Variants in SEMA5A observed in about 807,000 individuals in gnomAD.
SEMA5A encodes the protein semaphorin 5A.
In SEMA5A, 55 loss-of-function variants were observed where a neutral mutation model predicts 135.5. The observed-to-expected ratio is 0.41, with a 90% CI of 0.33 to 0.51. The LOEUF is 0.51. SEMA5A is among the 20% of genes least tolerant of loss of function. The pLI is 0.37. For synonymous variants in SEMA5A, 580 were observed against 546.5 expected (o/e 1.06, Z -0.85); for missense variants, 1,290 against 1,419.9 (o/e 0.91, Z 1.47).
At chr5:9,482,422 G>A (rs1281413763) in intron 1 of SEMA5A, among the ~76,000 whole-genome samples, 1 of 152,142 alleles carries the variant, frequency 6.6e-6, no homozygotes, top group African/African-American at 2.4e-5. Flanking sequence ...AAAAACACAA[G>A]ACATTACCTA....
intron 13 of SEMA5A, among the ~76,000 whole-genome samples, chr5:9,134,485 T>G (rs553268686): frequency 3.3e-5 from 5 of 152,144 alleles, no homozygotes; most frequent in Non-Finnish European, 5.9e-5. Context: ...ATACAATACA[T>G]ACATTCATTA....
chr5:9,543,687 T>C (rs1359833747), intron 1 of SEMA5A, among the ~76,000 whole-genome samples: 1 of 152,148 alleles, frequency 6.6e-6, no homozygotes, highest in Admixed American at 6.5e-5. Flanking sequence ...CACACTTCAA[T>C]GAGTATACAG....
chr5:9,214,919 A>G (rs1746531333), intron 8 of SEMA5A, among the ~76,000 whole-genome samples: 1 of 152,226 alleles, frequency 6.6e-6, no homozygotes. Flanking sequence ...TCAATAATGA[A>G]TCTTGACTTG....
At chr5:9,310,471 A>T (rs918318150) in intron 5 of SEMA5A, among the ~76,000 whole-genome samples, 3 of 152,142 alleles carry the variant, frequency 2.0e-5, no homozygotes, top group African/African-American at 7.2e-5. Flanking sequence ...AAATGAGCTC[A>T]GAATCATGAT....
intron 4 of SEMA5A, among the ~76,000 whole-genome samples, chr5:9,327,480 A>T (rs1449501864): frequency 6.6e-6 from 1 of 152,204 alleles, no homozygotes; most frequent in East Asian, 1.9e-4. Context: ...AATTTCAAAG[A>T]ACACACTAAA....
intron 5 of SEMA5A, among the ~76,000 whole-genome samples, chr5:9,308,442 G>A (rs928335309): frequency 4.6e-5 from 7 of 152,130 alleles, no homozygotes; most frequent in Admixed American, 3.3e-4. Context: ...GGATCGGGTT[G>A]AGGCTATACT....
At chr5:9,517,415 G>A (rs1736590347) in intron 1 of SEMA5A, 1 of 152,148 alleles carries the variant, frequency 6.6e-6, no homozygotes, top group Non-Finnish European at 1.5e-5. Context: ...AGTATTATCT[G>A]GAAACAGAAA....
At chr5:9,356,872 T>C (rs1249408135) in intron 3 of SEMA5A, among the ~76,000 whole-genome samples, 1 of 152,212 alleles carries the variant, frequency 6.6e-6, no homozygotes, top group African/African-American at 2.4e-5. Context: ...ACCGTGTTGC[T>C]AGCTTTGTCT....
At chr5:9,208,448 A>G (rs1035503377) in intron 8 of SEMA5A, among the ~76,000 whole-genome samples, 3 of 152,176 alleles carry the variant, frequency 2.0e-5, no homozygotes, top group African/African-American at 7.2e-5. Context: ...CCTCAAGAGC[A>G]GTGTGAGGAG....
chr5:9,366,029 A>T (rs1342407716), intron 3 of SEMA5A, among the ~76,000 whole-genome samples: 1 of 149,514 alleles, frequency 6.7e-6, no homozygotes, highest in African/African-American at 2.6e-5. Context: ...CCACAATTAG[A>T]CTAACTATCT....
At chr5:9,133,203 T>A (rs1741534511) in intron 13 of SEMA5A, among the ~76,000 whole-genome samples, 1 of 152,222 alleles carries the variant, frequency 6.6e-6, no homozygotes, top group Admixed American at 6.5e-5. Context: ...TTCAATAGTT[T>A]TTTTAAATAC....
chr5:9,269,941 G>T (rs570780100), intron 5 of SEMA5A, among the ~76,000 whole-genome samples: 11 of 151,996 alleles, frequency 7.2e-5, no homozygotes, highest in Non-Finnish European at 1.6e-4. Context: ...ATCCTAGAAG[G>T]GCCTGCTTGC....
chr5:9,339,947 C>G (rs921313212), intron 3 of SEMA5A, among the ~76,000 whole-genome samples: 2 of 152,094 alleles, frequency 1.3e-5, no homozygotes, highest in African/African-American at 4.8e-5. Context: ...TGTGGGATCA[C>G]TGATTAGAGA....
intron 1 of SEMA5A, among the ~76,000 whole-genome samples, chr5:9,494,065 T>A (rs928472703): frequency 1.3e-4 from 20 of 152,186 alleles, no homozygotes; most frequent in African/African-American, 4.8e-4. Context: ...ATGTTCTTCA[T>A]AAAGGCTGAG....
intron 5 of SEMA5A, among the ~76,000 whole-genome samples, chr5:9,285,887 G>GA (rs957638837): frequency 6.6e-6 from 1 of 152,148 alleles, no homozygotes; most frequent in African/African-American, 2.4e-5. Flanking sequence ...AAAATACGCA[G>GA]AAAAATAGAT....
intron 3 of SEMA5A, among the ~76,000 whole-genome samples, chr5:9,346,910 GTGTGTATA>G (rs1015222684): frequency 3.6e-5 from 5 of 137,030 alleles, no homozygotes; most frequent in African/African-American, 5.6e-5. Context: ...GTGTGTGTGT[GTGTGTATA>G]TATATATATA....
chr5:9,305,538 TA>T (rs1751816379), intron 5 of SEMA5A, among the ~76,000 whole-genome samples: 1 of 151,962 alleles, frequency 6.6e-6, no homozygotes, highest in African/African-American at 2.4e-5. Flanking sequence ...GATTTTTTTG[TA>T]TTAGAGTGAC....
chr5:9,304,348 G>A (rs560257972), intron 5 of SEMA5A, among the ~76,000 whole-genome samples: 36 of 151,812 alleles, frequency 2.4e-4, no homozygotes, highest in South Asian at 1.7e-3. Context: ...AATAATTTTC[G>A]ATGAACTATG....
At chr5:9,221,299 CTTT>C (rs869063755) in intron 8 of SEMA5A, among the ~76,000 whole-genome samples, 19 of 103,224 alleles carry the variant, frequency 1.8e-4, no homozygotes, top group Admixed American at 5.6e-4. Flanking sequence ...CGAACATTTT[CTTT>C]TTTTTTTTTT....
Sources: gnomAD v4.1 joint callset for allele counts (sites outside exome capture counted in the v4.1 genomes callset) on GRCh38, gnomAD v4.1.1 for gene constraint, MANE v1.5 for transcripts, NCBI Gene and HGNC (gene_info 2026-07-23, HGNC 2026-07-21) for gene names.